Variants in GALNT10 observed in about 807,000 individuals in gnomAD.
GALNT10 encodes polypeptide N-acetylgalactosaminyltransferase 10, also known as GalNAc transferase 10.
Under a neutral mutation model 75.0 loss-of-function variants are expected in GALNT10, and 41 were observed. The ratio of observed to expected loss-of-function variants is 0.55; its 90% CI spans 0.43 to 0.71. GALNT10 has a LOEUF of 0.71. Among genes scored for constraint, GALNT10 ranks in the 30% least tolerant of loss-of-function variants. The pLI is 0.00. For synonymous variants in GALNT10, 302 were observed against 313.0 expected, an observed-to-expected ratio of 0.96 and a Z score of 0.37; for missense variants, 727 against 818.5, an observed-to-expected ratio of 0.89 and a Z score of 1.36.
At chr5:154,290,869 T>G (rs1754185194) in intron 1 of GALNT10, among the ~76,000 whole-genome samples, 1 of 152,082 alleles carries the variant, frequency 6.6e-6, no homozygotes, top group Non-Finnish European at 1.5e-5. Flanking sequence ...TGAGCGGAGG[T>G]GTACTAATTG....
intron 3 of GALNT10, among the ~76,000 whole-genome samples, chr5:154,311,144 T>C (rs1581967954): frequency 6.6e-6 from 1 of 152,222 alleles, no homozygotes; most frequent in Non-Finnish European, 1.5e-5. Flanking sequence ...TTCTTTTTAT[T>C]ATTTCTGCAA....
chr5:154,313,328 T>G (rs1315470880), intron 3 of GALNT10, among the ~76,000 whole-genome samples: 2 of 151,070 alleles, frequency 1.3e-5, no homozygotes, highest in African/African-American at 4.9e-5. Context: ...AAGGTACTGT[T>G]TTTATAACCA....
At chr5:154,297,894 G>A in intron 2 of GALNT10, 47 bp from the exon 3 acceptor site, 2 of 1,561,828 alleles carry the variant, frequency 1.3e-6, no homozygotes, top group South Asian at 1.1e-5. Context: ...TCCATATACA[G>A]TACCCCATAC....
chr5:154,299,152 G>A (rs1346656378), intron 3 of GALNT10, among the ~76,000 whole-genome samples: 1 of 152,184 alleles, frequency 6.6e-6, no homozygotes, highest in Non-Finnish European at 1.5e-5. Flanking sequence ...GGTTCTCAAA[G>A]TGTGGTTCCC....
chr5:154,333,272 A>G (rs1040554160), intron 4 of GALNT10, among the ~76,000 whole-genome samples: 25 of 152,216 alleles, frequency 1.6e-4, no homozygotes, highest in African/African-American at 5.5e-4. Context: ...CCAGGAGCAC[A>G]CAGCCAGCTG....
intron 1 of GALNT10, among the ~76,000 whole-genome samples, chr5:154,274,234 A>G (rs1363228107): frequency 6.6e-6 from 1 of 152,158 alleles, no homozygotes; most frequent in East Asian, 1.9e-4. Flanking sequence ...ATGATAGACA[A>G]TGTTAGAAGG....
At chr5:154,251,458 T>G (rs950270287) in intron 1 of GALNT10, among the ~76,000 whole-genome samples, 1 of 152,188 alleles carries the variant, frequency 6.6e-6, no homozygotes, top group Admixed American at 6.6e-5. Flanking sequence ...TAGTTCAAGT[T>G]AACATATTCC....
chr5:154,343,644 G>A (rs1284367391), intron 4 of GALNT10, among the ~76,000 whole-genome samples: 1 of 152,140 alleles, frequency 6.6e-6, no homozygotes, highest in Non-Finnish European at 1.5e-5. Context: ...GAATGTGCTT[G>A]AGGCCCTGCC....
chr5:154,406,804 A>G lies in GALNT10; in HGVS notation c.1164+2593A>G, dbSNP rs1326207932. On this transcript the variant is annotated intron_variant, in intron 8 of 11. Coordinates refer to ENST00000297107, the MANE Select transcript of GALNT10 (RefSeq NM_198321.4). The stretch of plus-strand genomic sequence containing the variant: ...AGAGCAAGACTCCATCTTGGGGGGA[A>G]AAAAAGTGCTCAATGTTTTAATAAC... Among the ~76,000 whole-genome samples, 3 of 152,060 alleles carry G rather than the reference A, an allele frequency of 2.0e-5. 1 individual carries two copies. Among genetic ancestry groups the G allele is most frequent in the Admixed American group, 6.5e-5 (1 of 15,268 alleles).
intron 3 of GALNT10, among the ~76,000 whole-genome samples, chr5:154,305,454 G>A (rs1754420346): frequency 6.6e-6 from 1 of 152,120 alleles, no homozygotes; most frequent in Admixed American, 6.5e-5. Context: ...TCAAATACAT[G>A]CTCCCTGCAA....
intron 1 of GALNT10, among the ~76,000 whole-genome samples, chr5:154,194,932 G>A (rs1008938452): frequency 6.6e-6 from 1 of 152,156 alleles, no homozygotes; most frequent in Non-Finnish European, 1.5e-5. Flanking sequence ...AAACACATCT[G>A]AATAGTGATA....
At chr5:154,414,983 C>T (rs1342593513) in intron 10 of GALNT10, among the ~76,000 whole-genome samples, 1 of 151,968 alleles carries the variant, frequency 6.6e-6, no homozygotes, top group African/African-American at 2.4e-5. Context: ...ATTAGCCAGG[C>T]GTGGTGGCAC....
rs1228724417 is a variant in GALNT10, at chr5:154,376,257, T to C, written c.569-20T>C. 7 of 1,537,528 alleles carry C rather than the reference T, an allele frequency of 4.6e-6. No homozygotes were observed. The highest frequency in any genetic ancestry group is 1.7e-4 in the Middle Eastern group (1 of 5,940). On this transcript the variant is annotated intron_variant, in intron 4 of 11. Transcript: ENST00000297107. This position sits in a 1 kb window ranked among gnomAD's most constrained non-coding sequence, Gnocchi z 4.1. ...TACTAAGCAACTGTTCTCACTCTTC[T>C]GTCCTCTTCTGTCTCATAGAGCACC...
chr5:154,327,456 A>G (rs148516564), intron 3 of GALNT10, among the ~76,000 whole-genome samples: 4 of 152,368 alleles, frequency 2.6e-5, no homozygotes, highest in Non-Finnish European at 5.9e-5. Context: ...CAAAGAAGCT[A>G]TCAGTACTCT....
chr5:154,316,507 T>G (rs550969096), intron 3 of GALNT10, among the ~76,000 whole-genome samples: 3 of 152,360 alleles, frequency 2.0e-5, no homozygotes, highest in Non-Finnish European at 2.9e-5. Context: ...AACACTTCAG[T>G]CTGTGCCTTT....
At chr5:154,343,561 G>A (rs917353450) in intron 4 of GALNT10, among the ~76,000 whole-genome samples, 4 of 152,152 alleles carry the variant, frequency 2.6e-5, no homozygotes, top group Non-Finnish European at 4.4e-5. Flanking sequence ...CCTCAACCAA[G>A]CCCATAACTC....
At chr5:154,360,095 G>C (rs1444149266) in intron 4 of GALNT10, among the ~76,000 whole-genome samples, 1 of 152,094 alleles carries the variant, frequency 6.6e-6, no homozygotes, top group Non-Finnish European at 1.5e-5. Flanking sequence ...GTATTCATCA[G>C]TAGGCTAAGG....
chr5:154,357,559 C>A (rs1478042443), intron 4 of GALNT10, among the ~76,000 whole-genome samples: 1 of 151,852 alleles, frequency 6.6e-6, no homozygotes, highest in African/African-American at 2.4e-5. Context: ...TGGAAACAGC[C>A]CCATCAACCT....
At chr5:154,192,468 C>T (rs1253707294) in intron 1 of GALNT10, among the ~76,000 whole-genome samples, 1 of 152,358 alleles carries the variant, frequency 6.6e-6, no homozygotes, top group African/African-American at 2.4e-5. Flanking sequence ...TGTTCCTATT[C>T]AGTACCAGCA....
Sources: allele counts gnomAD v4.1 joint callset (sites outside exome capture counted in the v4.1 genomes callset), GRCh38; gene constraint gnomAD v4.1.1; non-coding constraint Gnocchi (gnomAD v3.1); transcripts MANE v1.5; gene names NCBI Gene and HGNC (gene_info 2026-07-23, HGNC 2026-07-21).